MCTP2: variants seen among roughly 807,000 people sequenced by gnomAD.
MCTP2 encodes multiple C2 and transmembrane domain-containing protein 2.
MCTP2 carries 132 observed loss-of-function variants against 111.6 expected under a neutral mutation model. The observed-to-expected ratio is 1.18, with a 90% confidence interval of 1.03 to 1.37. The LOEUF (loss-of-function observed/expected upper bound fraction) is 1.37. Among genes scored for constraint, MCTP2 ranks in the 40% most tolerant of loss-of-function variants. MCTP2 has a pLI of 0.00. For missense variants in MCTP2, 1,183 were observed against 1,067.9 expected (o/e 1.11, Z -1.50); for synonymous variants, 395 against 387.7 (o/e 1.02, Z -0.22).
chr15:94,431,682 A>T (rs565590965), intron 17 of MCTP2, among the ~76,000 whole-genome samples: 1 of 152,230 alleles, frequency 6.6e-6, no homozygotes, highest in Admixed American at 6.5e-5. Flanking sequence ...AATTTTTTTT[A>T]AAAATTTAAC....
At chr15:94,460,825 G>A (rs529144275) in intron 20 of MCTP2, among the ~76,000 whole-genome samples, 1 of 152,320 alleles carries the variant, frequency 6.6e-6, no homozygotes, top group South Asian at 2.1e-4. Context: ...AACTCCTATT[G>A]ATTCTTGGCC....
chr15:94,372,066 A>G (rs1272304198), intron 12 of MCTP2, among the ~76,000 whole-genome samples: 3 of 152,166 alleles, frequency 2.0e-5, no homozygotes, highest in African/African-American at 7.2e-5. Flanking sequence ...ATTTTGGGAG[A>G]AATGTTTTCA....
At chr15:94,399,832 G>T in intron 15 of MCTP2, 89 bp from the exon 16 acceptor site, 1 of 1,093,968 alleles carries the variant, frequency 9.1e-7, no homozygotes, top group Admixed American at 1.7e-5. Context: ...GAAGCTATTG[G>T]TCTGCACGAT....
chr15:94,241,902 ATTTG>A (rs2070990569), intron 1 of MCTP2, among the ~76,000 whole-genome samples: 1 of 152,162 alleles, frequency 6.6e-6, no homozygotes, highest in South Asian at 2.1e-4. Flanking sequence ...GAGACTTTGA[ATTTG>A]TTTAATATTT....
intron 14 of MCTP2, among the ~76,000 whole-genome samples, chr15:94,390,064 A>G (rs1356002040): frequency 4.6e-4 from 8 of 17,368 alleles, no homozygotes; most frequent in Admixed American, 2.0e-3. Flanking sequence ...ATATATATAT[A>G]TATATATATA....
chr15:94,246,175 G>A (rs1480443202), intron 1 of MCTP2, among the ~76,000 whole-genome samples: 4 of 152,094 alleles, frequency 2.6e-5, no homozygotes, highest in African/African-American at 4.8e-5. Flanking sequence ...CACATATTAG[G>A]AATGGACACT....
At chr15:94,289,979 G>C (rs761203208) in intron 1 of MCTP2, among the ~76,000 whole-genome samples, 4 of 152,194 alleles carry the variant, frequency 2.6e-5, no homozygotes, top group African/African-American at 4.8e-5. Context: ...TTAACTCACT[G>C]TTTCTGGCTT....
At chr15:94,332,396 A>T (rs773865226) in intron 4 of MCTP2, among the ~76,000 whole-genome samples, 3 of 152,216 alleles carry the variant, frequency 2.0e-5, no homozygotes, top group Admixed American at 6.5e-5. Flanking sequence ...GAAGACTATA[A>T]ATGTATGTGT....
At chr15:94,473,719 T>A (rs191041748) in intron 21 of MCTP2, among the ~76,000 whole-genome samples, 154 of 152,386 alleles carry the variant, frequency 1.0e-3, no homozygotes, top group Non-Finnish European at 1.9e-3. Context: ...AGTTTGTATC[T>A]TCACTTGATA....
intron 17 of MCTP2, among the ~76,000 whole-genome samples, chr15:94,403,808 T>A (rs747811763): frequency 2.0e-5 from 3 of 152,112 alleles, no homozygotes; most frequent in Non-Finnish European, 4.4e-5. Flanking sequence ...TACTCTCAGA[T>A]CTCTGAGGCC....
chr15:94,260,997 T>C (rs2073145253), intron 1 of MCTP2, among the ~76,000 whole-genome samples: 1 of 152,188 alleles, frequency 6.6e-6, no homozygotes, highest in Non-Finnish European at 1.5e-5. Flanking sequence ...GAAACCTTGG[T>C]GTCCACAACC....
chr15:94,479,289 A>G lies in MCTP2; in HGVS notation c.*255A>G, dbSNP rs2074609139. 2 of 504,994 alleles carry G rather than the reference A, an allele frequency of 4.0e-6. No homozygotes were observed. The highest frequency in any genetic ancestry group is 7.1e-6 in the Non-Finnish European group (2 of 280,450). The allele number at this position is 504,994 out of a possible 1,614,324, so 31.3% of individuals were successfully genotyped here. ...CCAAGACTGTGAAAGACTAACATCC[A>G]TTCTGAAATAGGAGATAACAAGGCT... On this transcript the variant is annotated 3_prime_UTR_variant, in exon 23 of 23. Transcript: ENST00000357742.
chr15:94,253,527 G>C (rs956624939), intron 1 of MCTP2, among the ~76,000 whole-genome samples: 1 of 152,016 alleles, frequency 6.6e-6, no homozygotes, highest in Non-Finnish European at 1.5e-5. Context: ...TATCACACTG[G>C]ATTAATGCAT....
In MCTP2 at chr15:94,398,986, A is replaced by G. The variant is rs1460714292; in HGVS notation, c.1814A>G (p.Tyr605Cys). 3.8e-5 allele frequency: 59 copies of G among 1,560,016 alleles called. No homozygotes were observed. Among genetic ancestry groups the G allele is most frequent in the Non-Finnish European group, 4.9e-5 (55 of 1,131,316 alleles). ...ATTAGAGATGGACAACCGAATTGTT[A>G]TGTACTAAAGAATAAAGATTTAGAA... ...LSIRDGQPNC[Y>C]VLKNKDLEQA... Residue 605 changes from tyrosine to cysteine, a missense_variant, in exon 15 of 23, where the codon TAT (tyrosine) becomes TGT (cysteine). Coordinates refer to ENST00000357742, the MANE Select transcript of MCTP2 (RefSeq NM_001385001.1).
At chr15:94,274,004 G>T (rs1335707023) in intron 1 of MCTP2, 2 of 212,890 alleles carry the variant, frequency 9.4e-6, no homozygotes, top group Admixed American at 9.1e-5. Context: ...ATGCAGGAAT[G>T]AATATAACTT....
chr15:94,403,215 TA>T, intron 17 of MCTP2: 5 of 985,456 alleles, frequency 5.1e-6, no homozygotes, highest in Non-Finnish European at 6.0e-6. Flanking sequence ...CTGAAGTTGC[TA>T]AAACATTTGG....
rs2074736893 is a variant in MCTP2 at position 94,481,730 on chromosome 15, G to A, written c.*2696G>A. 6.6e-6 allele frequency: 1 copy of A among 152,242 alleles called. No individual in the cohort carries two copies. The allele number at this position is 152,242 out of a possible 1,614,324, so 9.4% of individuals were successfully genotyped here. ...TTCTGGCATCTGCCATACATCATAA[G>A]AGGCTTTGACCACTGTCCTCCACTG... On this transcript the variant is annotated 3_prime_UTR_variant, in exon 23 of 23. Transcript: ENST00000357742.
At chr15:94,427,433 T>G (rs1425350039) in intron 17 of MCTP2, among the ~76,000 whole-genome samples, 3 of 151,996 alleles carry the variant, frequency 2.0e-5, no homozygotes, top group African/African-American at 7.3e-5. Context: ...AAACTTACAA[T>G]CATGATGGAA....
chr15:94,276,599 AAAT>A (rs1026581801), intron 1 of MCTP2, among the ~76,000 whole-genome samples: 2 of 148,248 alleles, frequency 1.3e-5, no homozygotes, highest in Admixed American at 1.3e-4. Flanking sequence ...TAGTATGGAC[AAAT>A]AATAATATGT....
Sources: gnomAD v4.1 joint callset for allele counts (sites outside exome capture counted in the v4.1 genomes callset) on GRCh38, gnomAD v4.1.1 for gene constraint, MANE v1.5 for transcripts, NCBI Gene and HGNC (gene_info 2026-07-23, HGNC 2026-07-21) for gene names.